The following EXT1 variants were observed in gnomAD, a reference collection of about 807,000 sequenced individuals.
EXT1 encodes the protein exostosin-1.
EXT1 carries 20 observed loss-of-function variants against 82.5 expected under a neutral mutation model. The ratio of observed to expected loss-of-function variants is 0.24; its 90% CI spans 0.17 to 0.35. EXT1 has a LOEUF of 0.35. EXT1 is among the 10% of genes least tolerant of loss of function. The probability of loss-of-function intolerance (pLI) is 1.00; values close to 1 mark genes in which losing one functional copy is unlikely to be tolerated. For missense variants in EXT1, 757 were observed against 936.5 expected, an observed-to-expected ratio of 0.81 and a Z score of 2.50; for synonymous variants, 348 against 350.8, an observed-to-expected ratio of 0.99 and a Z score of 0.09.
chr8:117,932,860 T>A (rs945312079), intron 1 of EXT1, among the ~76,000 whole-genome samples: 9 of 150,894 alleles, frequency 6.0e-5, no homozygotes, highest in Non-Finnish European at 1.2e-4. Context: ...CTCCAGTCAG[T>A]GAAGCCTAGA....
In EXT1 at chr8:117,980,546, G is replaced by A. The variant is rs1586322582; in HGVS notation, c.962+129539C>T. ...GTTAGTTTCCTGTTTTTCAACGTTGGGCTCTCTTCCAACTTAATATATGGA... is the reference window on the plus strand; with the variant it reads ...GTTAGTTTCCTGTTTTTCAACGTTGAGCTCTCTTCCAACTTAATATATGGA... On this transcript the variant is annotated intron_variant, in intron 1 of 10. Coordinates refer to ENST00000378204, the MANE Select transcript of EXT1 (RefSeq NM_000127.3). 2.6e-5 allele frequency among the ~76,000 whole-genome samples: 4 copies of A among 152,138 alleles called. No individual in the cohort carries two copies. The Middle Eastern group carries it at 0.014, about 521-fold the overall frequency.
At chr8:117,887,468 C>T (rs1411450865) in intron 1 of EXT1, among the ~76,000 whole-genome samples, 1 of 152,276 alleles carries the variant, frequency 6.6e-6, no homozygotes, top group East Asian at 1.9e-4. Flanking sequence ...CCTCCTGCCT[C>T]GGCCTCCTGA....
At chr8:117,964,094 T>G (rs527655714) in intron 1 of EXT1, among the ~76,000 whole-genome samples, 20 of 152,336 alleles carry the variant, frequency 1.3e-4, no homozygotes, top group African/African-American at 4.8e-4. Flanking sequence ...TTTGGGGAAT[T>G]ACAGTGCTTT....
At chr8:117,947,985 T>C (rs1342669150) in intron 1 of EXT1, among the ~76,000 whole-genome samples, 1 of 152,086 alleles carries the variant, frequency 6.6e-6, no homozygotes, top group East Asian at 1.9e-4. Flanking sequence ...TTGGAGGTGA[T>C]TTTTCTGCCT....
At chr8:118,071,425 T>G (rs1422361245) in intron 1 of EXT1, among the ~76,000 whole-genome samples, 1 of 151,746 alleles carries the variant, frequency 6.6e-6, no homozygotes, top group Non-Finnish European at 1.5e-5. Context: ...GTGCAGTGAG[T>G]TTTTTACTGT....
chr8:118,038,312 A>T (rs881989), intron 1 of EXT1, among the ~76,000 whole-genome samples: 70,070 of 152,018 alleles, frequency 0.46, 16,498 homozygotes, highest in Middle Eastern at 0.53. Context: ...ACTGGAGGTA[A>T]ATTGGCTCCC....
intron 1 of EXT1, among the ~76,000 whole-genome samples, chr8:118,095,405 T>C (rs945329210): frequency 5.9e-5 from 9 of 152,222 alleles, no homozygotes; most frequent in East Asian, 1.9e-4. Flanking sequence ...AAAAATATTA[T>C]ACATTTCCAC....
At chr8:117,874,960 A>C (rs1248402549) in intron 1 of EXT1, among the ~76,000 whole-genome samples, 1 of 152,336 alleles carries the variant, frequency 6.6e-6, no homozygotes, top group East Asian at 1.9e-4. Flanking sequence ...AGGTGCAAAA[A>C]TAAAAGATTT....
intron 1 of EXT1, among the ~76,000 whole-genome samples, chr8:118,009,827 C>T (rs1160528287): frequency 3.3e-5 from 5 of 152,106 alleles, no homozygotes; most frequent in Non-Finnish European, 2.9e-5. Flanking sequence ...CCTCCTGGTC[C>T]GTGAAAAAAT....
intron 4 of EXT1, among the ~76,000 whole-genome samples, chr8:117,824,180 G>A (rs1317744940): frequency 6.6e-6 from 1 of 151,950 alleles, no homozygotes; most frequent in Non-Finnish European, 1.5e-5. Context: ...TATCAAGATA[G>A]AAAATAAATT....
chr8:117,992,032 A>T (rs1020268745), intron 1 of EXT1, among the ~76,000 whole-genome samples: 6 of 152,230 alleles, frequency 3.9e-5, no homozygotes, highest in African/African-American at 1.4e-4. Flanking sequence ...TTGTAAGCAC[A>T]GGCTTACATG....
intron 1 of EXT1, among the ~76,000 whole-genome samples, chr8:117,906,390 G>A (rs1415520341): frequency 1.3e-5 from 2 of 152,136 alleles, no homozygotes; most frequent in Non-Finnish European, 2.9e-5. Context: ...GCCTGTGACA[G>A]ACTAAAGTAA....
chr8:118,050,606 G>C (rs918154372), intron 1 of EXT1, among the ~76,000 whole-genome samples: 12 of 152,242 alleles, frequency 7.9e-5, no homozygotes, highest in Non-Finnish European at 1.3e-4. Context: ...TAGCAGGAGA[G>C]TGGCCAGAGA....
intron 1 of EXT1, among the ~76,000 whole-genome samples, chr8:118,007,806 A>G (rs1217717510): frequency 3.9e-5 from 6 of 152,294 alleles, no homozygotes; most frequent in Admixed American, 2.0e-4. Flanking sequence ...TGAATAAACT[A>G]AAGTGTAATA....
chr8:117,979,579 G>A (rs1023703359), intron 1 of EXT1, among the ~76,000 whole-genome samples: 2 of 151,924 alleles, frequency 1.3e-5, no homozygotes, highest in African/African-American at 4.8e-5. Context: ...GAGTATCATG[G>A]TAGACAGTTA....
Position 117,799,597 on chromosome 8 carries a change from G to T in EXT1, c.*115C>A. On this transcript the variant is annotated 3_prime_UTR_variant, in exon 11 of 11. Coordinates refer to ENST00000378204, the MANE Select transcript of EXT1 (RefSeq NM_000127.3). ...TTTTTTTGTCATTCTGCTCATCTAA[G>T]TTTTTGGATAGTTGGCACAATCTGG... 8.2e-7 allele frequency: 1 copy of T among 1,225,208 alleles called. No homozygotes were observed. Among genetic ancestry groups the T allele is most frequent in the Non-Finnish European group, 1.2e-6 (1 of 842,634 alleles). The allele number at this position is 1,225,208 out of a possible 1,614,324, so 75.9% of individuals were successfully genotyped here. A position where few individuals can be genotyped will look rare whatever the true frequency, so the allele number is the denominator to read the frequency against.
At chr8:118,079,366 C>G (rs1406448615) in intron 1 of EXT1, among the ~76,000 whole-genome samples, 1 of 152,116 alleles carries the variant, frequency 6.6e-6, no homozygotes, top group Non-Finnish European at 1.5e-5. Flanking sequence ...CGAATAAAAC[C>G]TTTTTGGTAA....
intron 1 of EXT1, among the ~76,000 whole-genome samples, chr8:117,906,271 C>G (rs1199304196): frequency 6.6e-6 from 1 of 152,188 alleles, no homozygotes; most frequent in Admixed American, 6.5e-5. Context: ...TCTTGGAACA[C>G]AAGTTCGGAA....
intron 1 of EXT1, among the ~76,000 whole-genome samples, chr8:117,951,829 A>G (rs923823153): frequency 1.1e-4 from 16 of 149,474 alleles, no homozygotes; most frequent in African/African-American, 3.6e-4. Flanking sequence ...AAGCATTAGG[A>G]AAAAAAAATC....
Sources: allele counts gnomAD v4.1 joint callset (sites outside exome capture counted in the v4.1 genomes callset), GRCh38; gene constraint gnomAD v4.1.1; transcripts MANE v1.5; gene names NCBI Gene and HGNC (gene_info 2026-07-23, HGNC 2026-07-21).